Variants in CCDC74B observed in about 807,000 individuals in gnomAD.
The protein encoded by CCDC74B is coiled-coil domain-containing protein 74B.
A neutral mutation model predicts 38.0 loss-of-function variants in CCDC74B; 34 were observed. The observed-to-expected ratio is 0.89, with a 90% CI of 0.68 to 1.19. The LOEUF is 1.19. Ranked by LOEUF, CCDC74B falls within the 50% of genes most tolerant of loss-of-function variation. The pLI is 0.00. For synonymous variants in CCDC74B, 132 were observed against 170.4 expected (o/e 0.77, Z 1.76); for missense variants, 358 against 406.0 (o/e 0.88, Z 1.02).
At position 130,140,165 on chromosome 2, in the gene CCDC74B, A is replaced by T. The variant is rs1384710326; in HGVS notation, c.678+14T>A. 1 of 1,611,800 alleles carries T rather than the reference A, an allele frequency of 6.2e-7. No homozygotes were observed. Among genetic ancestry groups the T allele is most frequent in the Non-Finnish European group, 8.5e-7 (1 of 1,179,464 alleles). On this transcript the variant is annotated intron_variant, in intron 5 of 7. Coordinates refer to ENST00000409943, the MANE Select transcript of CCDC74B (RefSeq NM_001258307.2). ...CAGACTGCCCAGGGCCACCCCCACC[A>T]CCCAGGGCCTCACCTCTTGGGTCTG... is the stretch of plus-strand genomic sequence containing the variant.
intron 1 of CCDC74B, chr2:130,144,346 A>C (rs1370390960): frequency 1.5e-5 from 11 of 751,108 alleles, no homozygotes; most frequent in Non-Finnish European, 2.5e-5. Flanking sequence ...TCACCGTGTT[A>C]GCCAGGATGG....
At position 130,142,215 on chromosome 2, in the gene CCDC74B, G is replaced by A. The variant is rs748324768; in HGVS notation, c.296-32C>T. 1.7e-5 allele frequency: 28 copies of A among 1,605,424 alleles called. No homozygotes were observed. The African/African-American group carries it at 1.9e-4, about 11-fold the overall frequency. ...GAGAGCGCACAGTGTCGGCGCTACC[G>A]CCCGCAAGACGCCCATGCTTGCCTC... On this transcript the variant is annotated intron_variant, in intron 2 of 7. Transcript: ENST00000409943.
chr2:130,140,237 C>T lies in CCDC74B; in HGVS notation c.620G>A (p.Arg207Lys). 5 of 1,613,488 alleles carry T rather than the reference C, an allele frequency of 3.1e-6. No individual in the cohort carries two copies. The highest frequency in any genetic ancestry group is 4.2e-6 in the Non-Finnish European group (5 of 1,179,760). The change falls in exon 5 of 8, where the codon AGG becomes AAG. Residue 207 changes from arginine to lysine, a missense_variant. Transcript: ENST00000409943. ...PLPLRKPTTL[R>K]QCEVLIRELW... ...CTCGCGGATGAGCACTTCGCACTGC[C>T]TAAGTGTGGTGGGCTTTCGCAGGGG...
chr2:130,141,515 G>C (rs1315898153), intron 3 of CCDC74B: 1 of 698,974 alleles, frequency 1.4e-6, no homozygotes, highest in African/African-American at 1.7e-5. Flanking sequence ...GAACACTCTA[G>C]AACAATCAAC....
Position 130,139,698 on chromosome 2 carries a change from C to G in CCDC74B, c.810-8G>C, listed in dbSNP as rs769205055. On this transcript the variant is annotated splice_polypyrimidine_tract_variant and splice_region_variant and intron_variant, in intron 7 of 7. Transcript: ENST00000409943. ...GGTGGGCTCAGAAGCAGGCTGGGGG[C>G]GGGTAGAGGGACTGTCACCGTGAGC... 2.5e-6 allele frequency: 4 copies of G among 1,612,552 alleles called. No homozygotes were observed. The highest frequency in any genetic ancestry group is 3.4e-6 in the Non-Finnish European group (4 of 1,179,840).
In CCDC74B at chr2:130,144,971, C is replaced by G; in HGVS notation, c.26G>C (p.Gly9Ala). 6.8e-7 allele frequency: 1 copy of G among 1,475,788 alleles called. No individual in the cohort carries two copies. The highest frequency in any genetic ancestry group is 9.0e-7 in the Non-Finnish European group (1 of 1,115,038). The allele number at this position is 1,475,788 out of a possible 1,614,324, so 91.4% of individuals were successfully genotyped here. A position where few individuals can be genotyped will look rare whatever the true frequency, so the allele number is the denominator to read the frequency against. Residue 9 changes from glycine (G) to alanine (A), a missense_variant, in exon 1 of 8, where the codon GGG becomes GCG. By Grantham distance (60) the Gly-to-Ala change is moderately conservative. Transcript: ENST00000409943. ...GGTCGGCGAGCTGGGGGGCCGCGTC[C>G]CAGCCGCCACCCCCGCACCGCTCAT... The part of the protein sequence containing the change: MSGAGVAA[G>A]TRPPSSPTPG...
At chr2:130,143,164 GTT>G in intron 2 of CCDC74B, 103 bp downstream of exon 2, 1 of 1,548,650 alleles carries the variant, frequency 6.5e-7, no homozygotes, top group South Asian at 1.3e-5. Context: ...TCCCCACTGG[GTT>G]GGCATACAGG....
At chr2:130,143,877 C>T (rs1461550893) in intron 1 of CCDC74B, among the ~76,000 whole-genome samples, 1 of 151,256 alleles carries the variant, frequency 6.6e-6, no homozygotes, top group Non-Finnish European at 1.5e-5. Context: ...GGAGCCACAT[C>T]CCACATCCTG....
intron 1 of CCDC74B, 25 bp downstream of exon 1, chr2:130,144,722 G>T (rs1014258973): frequency 1.9e-6 from 3 of 1,609,308 alleles, no homozygotes; most frequent in African/African-American, 2.7e-5. Context: ...AGGCAGGGCC[G>T]GCCTAGGGCC....
intron 3 of CCDC74B, 79 bp downstream of exon 3, chr2:130,142,054 A>G (rs1035721645): frequency 2.5e-6 from 4 of 1,578,954 alleles, no homozygotes; most frequent in South Asian, 1.2e-5. Context: ...GTACCTGGTC[A>G]GCACCCCTAG....
At chr2:130,144,276 A>G in intron 1 of CCDC74B, 1 of 417,016 alleles carries the variant, frequency 2.4e-6, no homozygotes, top group Non-Finnish European at 4.6e-6. Flanking sequence ...AGTAGCTGGG[A>G]CTACAGACGC....
Position 130,139,457 on chromosome 2 carries a change from A to T in CCDC74B, c.*98T>A. 2.8e-6 allele frequency: 4 copies of T among 1,441,414 alleles called. No homozygotes were observed. The highest frequency in any genetic ancestry group is 3.7e-6 in the Non-Finnish European group (4 of 1,071,118). 89.3% of individuals were successfully genotyped at this position (1,441,414 alleles called of 1,614,324 possible). A position where few individuals can be genotyped will look rare whatever the true frequency, so the allele number is the denominator to read the frequency against. ...TTGAGTGTTATCTATCTTGGAATTT[A>T]GCCAGGCCTAAAAGTAGCGGAAGTG... is the stretch of plus-strand genomic sequence containing the variant. On this transcript the variant is annotated 3_prime_UTR_variant, in exon 8 of 8. Coordinates refer to ENST00000409943, the MANE Select transcript of CCDC74B (RefSeq NM_001258307.2).
rs1471310461 is a variant in CCDC74B, at chr2:130,141,867, GC to G, written c.346+265del. The G allele has an allele frequency of 2.7e-5, 20 of 743,682 alleles. No individual in the cohort carries two copies. The Middle Eastern group carries it at 2.0e-3, about 74-fold the overall frequency. 46.1% of individuals were successfully genotyped at this position (743,682 alleles called of 1,614,324 possible). Reference sequence around the variant, plus strand: ...CCTCCCTAGGCGGCCACCCGGGGAGGCCCCTCCTGCCTGCTTGCTGCCCCAC... The same window carrying G: ...CCTCCCTAGGCGGCCACCCGGGGAGGCCCTCCTGCCTGCTTGCTGCCCCAC... On this transcript the variant is annotated intron_variant, in intron 3 of 7. Transcript: ENST00000409943.
intron 2 of CCDC74B, chr2:130,142,715 A>C (rs563849486): frequency 6.5e-7 from 1 of 1,547,052 alleles, no homozygotes; most frequent in Non-Finnish European, 8.7e-7. Context: ...CACAACCCAG[A>C]ATCCTGGGCT....
At chr2:130,143,920 T>A (rs1398195114) in intron 1 of CCDC74B, among the ~76,000 whole-genome samples, 1 of 48,622 alleles carries the variant, frequency 2.1e-5, no homozygotes. Flanking sequence ...GCAGGAGGGG[T>A]GGGGGAGGAG....
rs1685511845 is a variant in CCDC74B at position 130,140,225 on chromosome 2, A to G, written c.632T>C (p.Val211Ala). 6.2e-7 allele frequency: 1 copy of G among 1,613,272 alleles called. No homozygotes were observed. The highest frequency in any genetic ancestry group is 1.7e-5 in the Admixed American group (1 of 59,960). ...RKPTTLRQCE[V>A]LIRELWNTNL... Reference sequence around the variant, plus strand: ...GGTATTCCACAGCTCGCGGATGAGCACTTCGCACTGCCTAAGTGTGGTGGG... The same window carrying G: ...GGTATTCCACAGCTCGCGGATGAGCGCTTCGCACTGCCTAAGTGTGGTGGG... The change falls in exon 5 of 8, where the codon GTG becomes GCG. Residue 211 changes from valine (V) to alanine (A), a missense_variant. Val to Ala is a moderately conservative substitution (Grantham distance 64, BLOSUM62 0). Coordinates refer to ENST00000409943, the MANE Select transcript of CCDC74B (RefSeq NM_001258307.2).
intron 4 of CCDC74B, 39 bp from the exon 5 acceptor site, chr2:130,140,410 A>G: frequency 6.6e-7 from 1 of 1,513,984 alleles, no homozygotes; most frequent in African/African-American, 1.4e-5. Flanking sequence ...TGACCTGCCC[A>G]GGTGCGTCTA....
At chr2:130,142,971 G>T in intron 2 of CCDC74B, 1 of 1,517,834 alleles carries the variant, frequency 6.6e-7, no homozygotes. Context: ...TGTCCCAGGG[G>T]TTCCTTCCCA....
At chr2:130,144,438 C>T in intron 1 of CCDC74B, 1 of 1,300,370 alleles carries the variant, frequency 7.7e-7, no homozygotes, top group Non-Finnish European at 1.1e-6. Context: ...CGCGCCCGGG[C>T]CCCTCTATAA....
Sources: allele counts gnomAD v4.1 joint callset (sites outside exome capture counted in the v4.1 genomes callset), GRCh38; gene constraint gnomAD v4.1.1; transcripts MANE v1.5; gene names NCBI Gene and HGNC (gene_info 2026-07-23, HGNC 2026-07-21).